Variants in CADM2 observed in about 807,000 individuals in gnomAD.
The protein encoded by CADM2 is cell adhesion molecule 2.
Under a neutral mutation model 49.8 loss-of-function variants are expected in CADM2, and 12 were observed. The observed-to-expected ratio is 0.24, with a 90% CI of 0.15 to 0.39. The LOEUF (loss-of-function observed/expected upper bound fraction) is 0.39, where lower values mean the gene tolerates loss of function less well. Ranked by LOEUF, CADM2 falls within the 10% of genes least tolerant of loss-of-function variation. CADM2 has a pLI of 1.00. For missense variants in CADM2, 378 were observed against 492.3 expected, an observed-to-expected ratio of 0.77 and a Z score of 2.20; for synonymous variants, 214 against 175.4, an observed-to-expected ratio of 1.22 and a Z score of -1.74.
At chr3:85,381,206 G>A (rs1325492855) in intron 1 of CADM2, among the ~76,000 whole-genome samples, 2 of 151,902 alleles carry the variant, frequency 1.3e-5, no homozygotes, top group East Asian at 1.9e-4. Context: ...GATTTCCGTA[G>A]TAACACATTC....
chr3:85,956,268 A>C (rs1393735756), intron 7 of CADM2, among the ~76,000 whole-genome samples: 2 of 151,612 alleles, frequency 1.3e-5, no homozygotes, highest in African/African-American at 4.8e-5. Context: ...ACAGCAGGGA[A>C]GATTGTTCTT....
At chr3:85,075,002 T>C (rs1200478619) in intron 1 of CADM2, among the ~76,000 whole-genome samples, 1 of 151,446 alleles carries the variant, frequency 6.6e-6, no homozygotes, top group Non-Finnish European at 1.5e-5. Context: ...GTAAGCAACC[T>C]GATGCTGTAC....
At chr3:85,248,820 A>G (rs890291020) in intron 1 of CADM2, among the ~76,000 whole-genome samples, 1 of 152,146 alleles carries the variant, frequency 6.6e-6, no homozygotes, top group African/African-American at 2.4e-5. Flanking sequence ...GCTTCATTTG[A>G]CTCAATAAAT....
intron 1 of CADM2, among the ~76,000 whole-genome samples, chr3:85,168,192 A>G (rs181847063): frequency 6.6e-6 from 1 of 152,004 alleles, no homozygotes; most frequent in African/African-American, 2.4e-5. Context: ...AGTAACTGGG[A>G]TTACAGGCAC....
chr3:85,202,973 A>T (rs1290001969), intron 1 of CADM2, among the ~76,000 whole-genome samples: 1 of 152,134 alleles, frequency 6.6e-6, no homozygotes, highest in Non-Finnish European at 1.5e-5. Context: ...CTAGCTTCGA[A>T]CTTTTCTTCT....
intron 1 of CADM2, among the ~76,000 whole-genome samples, chr3:85,190,651 G>A (rs2041186562): frequency 6.6e-6 from 1 of 152,232 alleles, no homozygotes; most frequent in East Asian, 1.9e-4. Flanking sequence ...TTTTAGAGGT[G>A]ACAGATAATA....
At chr3:85,301,228 C>G (rs2044092810) in intron 1 of CADM2, among the ~76,000 whole-genome samples, 1 of 152,032 alleles carries the variant, frequency 6.6e-6, no homozygotes, top group Non-Finnish European at 1.5e-5. Context: ...TAGCCCTTGC[C>G]ATTCTTGCCA....
intron 1 of CADM2, among the ~76,000 whole-genome samples, chr3:85,527,356 T>A (rs1207640327): frequency 6.9e-6 from 1 of 144,976 alleles, no homozygotes; most frequent in African/African-American, 2.5e-5. Context: ...ATCATGTCAC[T>A]GCACTCTAGC....
chr3:86,056,594 C>T (rs1048305725), intron 8 of CADM2, among the ~76,000 whole-genome samples: 5 of 152,186 alleles, frequency 3.3e-5, no homozygotes, highest in Non-Finnish European at 7.3e-5. Flanking sequence ...GGACAATCTT[C>T]CCAGGAGGGA....
chr3:85,564,216 A>G (rs572175124), intron 1 of CADM2, among the ~76,000 whole-genome samples: 1 of 151,780 alleles, frequency 6.6e-6, no homozygotes, highest in South Asian at 2.1e-4. Context: ...AAAAATTGTG[A>G]TAAAATACAC....
At chr3:85,544,533 C>T (rs1358645353) in intron 1 of CADM2, among the ~76,000 whole-genome samples, 2 of 152,008 alleles carry the variant, frequency 1.3e-5, no homozygotes, top group Non-Finnish European at 2.9e-5. Flanking sequence ...ACGGAGATCG[C>T]GCCACTGCAC....
At position 86,066,732 on chromosome 3, in the gene CADM2, T is replaced by C; in HGVS notation, c.1164T>C (p.Asn388=). The C allele has an allele frequency of 6.2e-7, 1 of 1,614,030 alleles. No individual in the cohort carries two copies. ...CAGATGCTGATACAGCCATTATCAA[T>C]GCTGAAGGCAGCCAAGTCAATGCTG... is the stretch of plus-strand genomic sequence containing the variant. The part of the protein sequence containing the change: ...DAPDADTAII[N]AEGSQVNAEE... The change falls in exon 10 of 10, where the codon AAT becomes AAC. Residue 388 remains asparagine, a synonymous_variant. Transcript: ENST00000383699.
intron 3 of CADM2, among the ~76,000 whole-genome samples, chr3:85,826,937 G>A (rs2073943104): frequency 6.6e-6 from 1 of 151,916 alleles, no homozygotes; most frequent in South Asian, 2.1e-4. Context: ...ATATAATGCT[G>A]TTACATTCTG....
chr3:85,598,053 C>T (rs1196046593), intron 1 of CADM2, among the ~76,000 whole-genome samples: 3 of 152,062 alleles, frequency 2.0e-5, no homozygotes, highest in African/African-American at 4.8e-5. Flanking sequence ...CTAAATCTAG[C>T]CATGTTGGTC....
rs1474757335 is a variant in CADM2, at chr3:85,982,934, A to G, written c.970+21287A>G. 2.6e-5 allele frequency among the ~76,000 whole-genome samples: 4 copies of G among 151,676 alleles called. No individual in the cohort carries two copies. In the Admixed American group the frequency reaches 2.6e-4, roughly 10 times the overall value. On this transcript the variant is annotated intron_variant, in intron 8 of 9. Coordinates refer to ENST00000383699, the MANE Select transcript of CADM2 (RefSeq NM_001167675.2). ...TATTCAATAATTTGAAATCAACTAA[A>G]TGTATTTGATTTTATTAGGTTTAAA...
intron 1 of CADM2, among the ~76,000 whole-genome samples, chr3:85,508,570 A>G (rs925107325): frequency 6.6e-6 from 1 of 152,186 alleles, no homozygotes; most frequent in Non-Finnish European, 1.5e-5. Flanking sequence ...TCTGGAATAA[A>G]AGAACTCAAA....
intron 7 of CADM2, among the ~76,000 whole-genome samples, chr3:85,938,722 G>C (rs540856767): frequency 6.6e-6 from 1 of 151,902 alleles, no homozygotes; most frequent in South Asian, 2.1e-4. Context: ...CTATAGCTTA[G>C]TATTAAGTAA....
At chr3:85,719,348 C>G (rs2067416172) in intron 1 of CADM2, among the ~76,000 whole-genome samples, 2 of 152,036 alleles carry the variant, frequency 1.3e-5, no homozygotes, top group South Asian at 4.1e-4. Flanking sequence ...TACCCTTGAA[C>G]AACATGGGGG....
chr3:85,408,476 GT>G (rs2035504940), intron 1 of CADM2, among the ~76,000 whole-genome samples: 1 of 152,166 alleles, frequency 6.6e-6, no homozygotes, highest in Non-Finnish European at 1.5e-5. Context: ...AATTTGTTAA[GT>G]TTTGATGTTG....
Sources: gnomAD v4.1 joint callset for allele counts (sites outside exome capture counted in the v4.1 genomes callset) on GRCh38, gnomAD v4.1.1 for gene constraint, MANE v1.5 for transcripts, NCBI Gene and HGNC (gene_info 2026-07-23, HGNC 2026-07-21) for gene names.